The following KIF3C variants were observed in gnomAD, a reference collection of about 807,000 sequenced individuals.
KIF3C encodes the protein kinesin family member 3C, also known as kinesin-like protein KIF3C.
KIF3C carries 12 observed loss-of-function variants against 67.7 expected under a neutral mutation model. The observed-to-expected ratio is 0.18, with a 90% CI of 0.11 to 0.29. The LOEUF (loss-of-function observed/expected upper bound fraction) is 0.29. Among genes scored for constraint, KIF3C ranks in the 10% least tolerant of loss-of-function variants. The probability of loss-of-function intolerance (pLI) is 1.00; values close to 1 mark genes in which losing one functional copy is unlikely to be tolerated. For synonymous variants in KIF3C, 393 were observed against 426.2 expected (o/e 0.92, Z 0.96); for missense variants, 789 against 1,059.6 (o/e 0.74, Z 3.55).
intron 1 of KIF3C, among the ~76,000 whole-genome samples, chr2:25,975,475 C>T (rs1664389093): frequency 6.6e-6 from 1 of 152,162 alleles, no homozygotes; most frequent in Admixed American, 6.5e-5. Flanking sequence ...TTTGCCCAGC[C>T]TACTCCTATA....
rs72856512 is a variant in KIF3C at position 25,980,633 on chromosome 2, C to T, written c.1285G>A (p.Ala429Thr). The T allele has an allele frequency of 2.8e-4, 444 of 1,614,080 alleles. 1 individual carries two copies. The African/African-American group carries it at 5.5e-3, about 20-fold the overall frequency. The change falls in exon 1 of 8, where the codon GCC (alanine) becomes ACC (threonine). Residue 429 changes from alanine (A) to threonine (T), a missense_variant. By Grantham distance (58) the Ala-to-Thr change is moderately conservative. Transcript: ENST00000264712. This position sits in a 1 kb window ranked among gnomAD's most constrained non-coding sequence, Gnocchi z 7.6. Reference sequence around the variant, plus strand: ...TCATCCTCCTCTTCTGCCACCCAGGCCTCAATCACTGGGCCCTCAGGGTAC... The same window carrying T: ...TCATCCTCCTCTTCTGCCACCCAGGTCTCAATCACTGGGCCCTCAGGGTAC... ...PGYPEGPVIE[A>T]WVAEEEDDNN...
In KIF3C at chr2:25,958,224, C is replaced by A. The variant is rs1663857903; in HGVS notation, c.1546-1780G>T. Among the ~76,000 whole-genome samples, 1 of 152,146 alleles carries A rather than the reference C, an allele frequency of 6.6e-6. No individual in the cohort carries two copies. The highest frequency in any genetic ancestry group is 2.4e-5 in the African/African-American group (1 of 41,450). On this transcript the variant is annotated intron_variant, in intron 1 of 7. Coordinates refer to ENST00000264712, the MANE Select transcript of KIF3C (RefSeq NM_002254.8). This position sits in a 1 kb window ranked among gnomAD's most constrained non-coding sequence, Gnocchi z 4.5. ...CTCTCCTGGACCACTGCTGTGGTCT[C>A]CCCACTGCCTCAGTGTCCCCTTCCA...
Position 25,955,681 on chromosome 2 carries a change from AGTGT to A in KIF3C, c.1648-22_1648-19del. ...CGACGTTTCTAGGCCAAGGACGGGC[AGTGT>A]GGCTCAAAGGAGCAGTGCATACTCG... is the stretch of plus-strand genomic sequence containing the variant. On this transcript the variant is annotated intron_variant, in intron 2 of 7. Transcript: ENST00000264712. The surrounding 1 kb of genome is among the most constrained non-coding windows in gnomAD (Gnocchi z 5.0). The A allele has an allele frequency of 6.2e-7, 1 of 1,613,832 alleles. No individual in the cohort carries two copies. The highest frequency in any genetic ancestry group is 8.5e-7 in the Non-Finnish European group (1 of 1,179,810).
Position 25,928,603 on chromosome 2 carries a change from G to A in KIF3C, c.*375C>T. ...TGGAGGTTATGGAGTGCGGTGGGTA[G>A]AAAAGGGACTGTCTTCTCAGGCACT... On this transcript the variant is annotated 3_prime_UTR_variant, in exon 8 of 8. Transcript: ENST00000264712. The A allele has an allele frequency of 1.7e-5, 3 of 178,034 alleles. No homozygotes were observed. Among genetic ancestry groups the A allele is most frequent in the Admixed American group, 1.7e-4 (3 of 17,852 alleles). The allele number at this position is 178,034 out of a possible 1,614,324, so 11.0% of individuals were successfully genotyped here.
intron 5 of KIF3C, among the ~76,000 whole-genome samples, chr2:25,937,473 C>A (rs914989232): frequency 2.6e-5 from 4 of 152,198 alleles, no homozygotes; most frequent in Non-Finnish European, 4.4e-5. Flanking sequence ...GAGGCGTGCC[C>A]GTGAGGAGAG....
intron 1 of KIF3C, among the ~76,000 whole-genome samples, chr2:25,963,174 G>A (rs866399844): frequency 3.5e-4 from 12 of 34,304 alleles, no homozygotes; most frequent in East Asian, 3.4e-3. Context: ...ATGTGTGTGT[G>A]TATATATATA....
intron 4 of KIF3C, 94 bp from the exon 5 acceptor site, chr2:25,951,999 G>T: frequency 1.1e-6 from 1 of 877,174 alleles, no homozygotes; most frequent in Non-Finnish European, 1.9e-6. Flanking sequence ...AACAAGCCAA[G>T]AGGCAGAGGG....
At chr2:25,975,390 G>C (rs1178810384) in intron 1 of KIF3C, among the ~76,000 whole-genome samples, 1 of 152,044 alleles carries the variant, frequency 6.6e-6, no homozygotes, top group Non-Finnish European at 1.5e-5. Flanking sequence ...TGGAACTCCT[G>C]GGCTCAAGGA....
At chr2:25,969,163 G>T (rs1441659595) in intron 1 of KIF3C, among the ~76,000 whole-genome samples, 1 of 152,096 alleles carries the variant, frequency 6.6e-6, no homozygotes, top group African/African-American at 2.4e-5. Context: ...CTCCTGGGAG[G>T]GAAAGTGACT....
chr2:25,972,365 A>G (rs1489706925), intron 1 of KIF3C, among the ~76,000 whole-genome samples: 1 of 152,144 alleles, frequency 6.6e-6, no homozygotes, highest in Non-Finnish European at 1.5e-5. Flanking sequence ...TTAGTGTCAT[A>G]TACTTCCCAC....
chr2:25,939,552 G>A (rs1663232873), intron 5 of KIF3C, among the ~76,000 whole-genome samples: 1 of 152,148 alleles, frequency 6.6e-6, no homozygotes, highest in African/African-American at 2.4e-5. Flanking sequence ...GGGACTCAAC[G>A]CAGAGCTAGG....
In KIF3C at chr2:25,980,781, C is replaced by T. The variant is rs1438984662; in HGVS notation, c.1137G>A (p.Leu379=). ...CAATCTCCTCTTGGAATTCCCGCAG[C>T]AGTGTGTCCTTGGGGTCCTCGTTCA... The part of the protein sequence containing the change: ...PRVNEDPKDT[L]LREFQEEIAR... The change falls in exon 1 of 8, where the codon CTG becomes CTA. Residue 379 remains leucine, a synonymous_variant. Transcript: ENST00000264712. The surrounding 1 kb of genome is among the most constrained non-coding windows in gnomAD (Gnocchi z 7.6). The T allele has an allele frequency of 1.2e-6, 2 of 1,614,224 alleles. No individual in the cohort carries two copies. Among genetic ancestry groups the T allele is most frequent in the Non-Finnish European group, 1.7e-6 (2 of 1,180,026 alleles).
intron 5 of KIF3C, chr2:25,938,331 C>A: frequency 2.4e-6 from 1 of 424,546 alleles, no homozygotes; most frequent in South Asian, 1.7e-5. Flanking sequence ...GCATTTCAGC[C>A]TGGGCGACAG....
At chr2:25,934,121 G>A (rs1441166351) in intron 5 of KIF3C, 1 of 470,792 alleles carries the variant, frequency 2.1e-6, no homozygotes, top group Non-Finnish European at 4.4e-6. Context: ...AGTCGCAACG[G>A]ACTACATATT....
At position 25,928,989 on chromosome 2, in the gene KIF3C, C is replaced by T. The variant is rs779210040; in HGVS notation, c.2371G>A (p.Asp791Asn). The T allele has an allele frequency of 1.9e-6, 3 of 1,613,142 alleles. No homozygotes were observed. Among genetic ancestry groups the T allele is most frequent in the East Asian group, 4.5e-5 (2 of 44,882 alleles). ...SASLRPATVA[D>N]HE The stretch of plus-strand genomic sequence containing the variant: ...TGACGTGATGGTTGTCACTCATGGT[C>T]CGCCACTGTTGCAGGGCGCAGAGAA... Residue 791 changes from aspartate (D) to asparagine (N), a missense_variant, in exon 8 of 8, where the codon GAC becomes AAC. Around this residue, in one of 2 missense-constraint regions of KIF3C, gnomAD observed 648 missense variants for 807.8 expected, o/e 0.80. Transcript: ENST00000264712.
intron 1 of KIF3C, among the ~76,000 whole-genome samples, chr2:25,957,280 G>C (rs548655699): frequency 1.7e-3 from 266 of 152,294 alleles, no homozygotes; most frequent in Non-Finnish European, 3.1e-3. Flanking sequence ...AAAGAGGAGA[G>C]ATTTGAACCT....
intron 5 of KIF3C, among the ~76,000 whole-genome samples, chr2:25,934,314 C>T (rs1238347346): frequency 6.6e-6 from 1 of 152,064 alleles, no homozygotes; most frequent in African/African-American, 2.4e-5. Flanking sequence ...CGTGGTGGCT[C>T]ATGCCTATAA....
At chr2:25,948,493 A>C (rs1663502235) in intron 5 of KIF3C, among the ~76,000 whole-genome samples, 1 of 151,980 alleles carries the variant, frequency 6.6e-6, no homozygotes, top group South Asian at 2.1e-4. Context: ...CCGAAGCTGC[A>C]GTGAGTTATA....
At chr2:25,960,375 C>T (rs1663915650) in intron 1 of KIF3C, among the ~76,000 whole-genome samples, 1 of 149,334 alleles carries the variant, frequency 6.7e-6, no homozygotes, top group South Asian at 2.1e-4. Context: ...ATTATTAGCA[C>T]TATCATTTTT....
Sources: gnomAD v4.1 joint callset for allele counts (sites outside exome capture counted in the v4.1 genomes callset) on GRCh38, gnomAD v4.1.1 for gene constraint, gnomAD v4.1.1 regional missense constraint, Gnocchi (gnomAD v3.1) non-coding constraint, MANE v1.5 for transcripts, NCBI Gene and HGNC (gene_info 2026-07-23, HGNC 2026-07-21) for gene names.